Variants in PECR observed in about 807,000 individuals in gnomAD.
PECR encodes peroxisomal trans-2-enoyl-CoA reductase, also known as 2,4-dienoyl-CoA reductase-related protein.
In PECR, 30 loss-of-function variants were observed where a neutral mutation model predicts 35.3. That is an observed-to-expected ratio of 0.85 (90% CI 0.64 to 1.15). PECR has a LOEUF of 1.15. PECR is among the 50% of genes most tolerant of loss of function. PECR has a pLI of 0.00. For synonymous variants in PECR, 148 were observed against 138.9 expected (o/e 1.07, Z -0.46); for missense variants, 392 against 370.8 (o/e 1.06, Z -0.47).
intron 4 of PECR, among the ~76,000 whole-genome samples, chr2:216,057,316 T>C (rs1241633926): frequency 2.6e-5 from 4 of 152,148 alleles, no homozygotes; most frequent in Non-Finnish European, 5.9e-5. Flanking sequence ...GTTACACAAA[T>C]CATTCCTTAC....
chr2:216,031,460 AAAGAAAGAAAGAAAG>A (rs1356759604), intron 7 of PECR, among the ~76,000 whole-genome samples: 3 of 131,862 alleles, frequency 2.3e-5, no homozygotes, highest in Non-Finnish European at 3.2e-5. Context: ...AGAAAGAGAG[AAAGAAAGAAAGAAAG>A]AGAAAGAAAG....
At chr2:216,033,164 G>GTATC (rs1479052008) in intron 7 of PECR, among the ~76,000 whole-genome samples, 1 of 152,068 alleles carries the variant, frequency 6.6e-6, no homozygotes, top group African/African-American at 2.4e-5. Context: ...AATGTATAAT[G>GTATC]TATCTGCCAC....
intron 1 of PECR, among the ~76,000 whole-genome samples, chr2:216,075,330 G>A (rs1426876043): frequency 6.6e-6 from 1 of 152,062 alleles, no homozygotes; most frequent in African/African-American, 2.4e-5. Flanking sequence ...CCATTACAGA[G>A]CAGTAAGAAT....
At chr2:216,055,358 A>G (rs1039543184) in intron 4 of PECR, among the ~76,000 whole-genome samples, 1 of 151,702 alleles carries the variant, frequency 6.6e-6, no homozygotes, top group Non-Finnish European at 1.5e-5. Flanking sequence ...AATCGCCTGA[A>G]CCCAGGAGGC....
At chr2:216,054,948 T>C (rs1695195277) in intron 4 of PECR, among the ~76,000 whole-genome samples, 1 of 150,680 alleles carries the variant, frequency 6.6e-6, no homozygotes, top group Non-Finnish European at 1.5e-5. Context: ...CCGTCACTAC[T>C]AAAAATACAA....
chr2:216,077,769 T>A (rs1410518234), intron 1 of PECR, among the ~76,000 whole-genome samples: 1 of 143,970 alleles, frequency 6.9e-6, no homozygotes, highest in South Asian at 2.2e-4. Context: ...ATCGTGCCAC[T>A]GTACTCCAGC....
chr2:216,050,082 C>T (rs998651689), intron 5 of PECR, among the ~76,000 whole-genome samples: 2 of 152,082 alleles, frequency 1.3e-5, no homozygotes, highest in Non-Finnish European at 2.9e-5. Context: ...ATTAGCTGGG[C>T]ATGGTGGTAC....
chr2:216,070,473 AT>A (rs1019173700), intron 1 of PECR, among the ~76,000 whole-genome samples: 4 of 152,142 alleles, frequency 2.6e-5, no homozygotes, highest in South Asian at 4.2e-4. Context: ...TACTTTTATT[AT>A]TTTTTTCATG....
At chr2:216,052,822 C>A (rs1695143011) in intron 4 of PECR, among the ~76,000 whole-genome samples, 1 of 152,112 alleles carries the variant, frequency 6.6e-6, no homozygotes, top group South Asian at 2.1e-4. Context: ...TTCAGAGACT[C>A]CAACTGTCTC....
chr2:216,031,467 GAA>G (rs577697216), intron 7 of PECR, among the ~76,000 whole-genome samples: 1 of 116,954 alleles, frequency 8.6e-6, no homozygotes, highest in Non-Finnish European at 1.7e-5. Flanking sequence ...GAGAAAGAAA[GAA>G]AGAAAGAGAA....
chr2:216,059,559 T>C (rs1247888097), intron 3 of PECR, among the ~76,000 whole-genome samples: 1 of 152,254 alleles, frequency 6.6e-6, no homozygotes, highest in Non-Finnish European at 1.5e-5. Context: ...TGTGGTCATA[T>C]GTTAACTCTG....
At chr2:216,065,165 C>A in intron 3 of PECR, 147 bp downstream of exon 3, 1 of 737,436 alleles carries the variant, frequency 1.4e-6, no homozygotes, top group Non-Finnish European at 2.5e-6. Context: ...AATTACTATA[C>A]TGAAATGTAC....
At chr2:216,073,564 T>C (rs1695626256) in intron 1 of PECR, among the ~76,000 whole-genome samples, 1 of 152,172 alleles carries the variant, frequency 6.6e-6, no homozygotes, top group Non-Finnish European at 1.5e-5. Flanking sequence ...CAGTGCTCTA[T>C]ACAGGTGTAC....
chr2:216,050,751 A>C (rs1265609017), intron 5 of PECR: 2 of 152,286 alleles, frequency 1.3e-5, no homozygotes, highest in East Asian at 3.9e-4. Context: ...AAATACAAAA[A>C]TTAGCCAGGG....
chr2:216,067,341 C>T (rs1695487676), intron 1 of PECR, among the ~76,000 whole-genome samples: 1 of 152,132 alleles, frequency 6.6e-6, no homozygotes, highest in South Asian at 2.1e-4. Context: ...AACCCTGGCA[C>T]TCACACAGCA....
chr2:216,066,633 C>A lies in PECR; in HGVS notation c.125-115G>T, dbSNP rs193298581. ...AAATAAATATGCCTTCATGAGTTGT[C>A]CAAATTCCAACAATAATAATATTGA... On this transcript the variant is annotated intron_variant, in intron 1 of 7. Transcript: ENST00000265322. 836 of 874,194 alleles carry A rather than the reference C, an allele frequency of 9.6e-4. 4 individuals are homozygous for A. The African/African-American group carries it at 0.013, about 13-fold the overall frequency. The allele number at this position is 874,194 out of a possible 1,614,324, so 54.2% of individuals were successfully genotyped here.
At chr2:216,066,174 G>A (rs1455222150) in intron 2 of PECR, among the ~76,000 whole-genome samples, 1 of 152,126 alleles carries the variant, frequency 6.6e-6, no homozygotes, top group Non-Finnish European at 1.5e-5. Context: ...GCCATCTTTA[G>A]CTGGACCACA....
chr2:216,031,671 G>GAA (rs746180419), intron 7 of PECR, among the ~76,000 whole-genome samples: 4 of 79,012 alleles, frequency 5.1e-5, no homozygotes, highest in African/African-American at 2.2e-4. Flanking sequence ...AAGAAAGAAA[G>GAA]AAAGAAAGAA....
intron 4 of PECR, among the ~76,000 whole-genome samples, chr2:216,052,505 T>C (rs1248071402): frequency 6.6e-6 from 1 of 152,240 alleles, no homozygotes; most frequent in African/African-American, 2.4e-5. Flanking sequence ...GAATTCCAGG[T>C]TGGCATGGTT....
Sources: gnomAD v4.1 joint callset for allele counts (sites outside exome capture counted in the v4.1 genomes callset) on GRCh38, gnomAD v4.1.1 for gene constraint, MANE v1.5 for transcripts, NCBI Gene and HGNC (gene_info 2026-07-23, HGNC 2026-07-21) for gene names.